The following GREB1L variants were observed in gnomAD, a reference collection of about 807,000 sequenced individuals.
GREB1L encodes the protein GREB1 like retinoic acid receptor coactivator, also known as GREB1-like protein.
Under a neutral mutation model 200.8 loss-of-function variants are expected in GREB1L, and 17 were observed. The ratio of observed to expected loss-of-function variants is 0.08; its 90% CI spans 0.06 to 0.13. The LOEUF (loss-of-function observed/expected upper bound fraction) is 0.13. Ranked by LOEUF, GREB1L falls within the 10% of genes least tolerant of loss-of-function variation. GREB1L has a pLI of 1.00. For synonymous variants in GREB1L, 789 were observed against 893.0 expected (o/e 0.88, Z 2.08); for missense variants, 1,657 against 2,367.7 (o/e 0.70, Z 6.23).
intron 21 of GREB1L, among the ~76,000 whole-genome samples, chr18:21,497,819 C>CCG (rs1555659476): frequency 1.6e-5 from 2 of 125,906 alleles, no homozygotes; most frequent in Non-Finnish European, 3.5e-5. Context: ...CCACCCCCCC[C>CCG]CCTTTTTTTT....
At chr18:21,305,209 C>T (rs1193180923) in intron 1 of GREB1L, among the ~76,000 whole-genome samples, 1 of 152,066 alleles carries the variant, frequency 6.6e-6, no homozygotes, top group Non-Finnish European at 1.5e-5. Context: ...CTCTTGACCT[C>T]GTGATCCACC....
intron 1 of GREB1L, among the ~76,000 whole-genome samples, chr18:21,323,617 G>T (rs2038981948): frequency 6.6e-6 from 1 of 151,982 alleles, no homozygotes. Context: ...TAGTACCTGT[G>T]GCTACTCCAA....
At chr18:21,482,994 A>G (rs2035982368) in intron 17 of GREB1L, among the ~76,000 whole-genome samples, 1 of 152,228 alleles carries the variant, frequency 6.6e-6, no homozygotes, top group Non-Finnish European at 1.5e-5. Context: ...AAACTTTTGT[A>G]ACACAAAACC....
At chr18:21,421,792 A>G (rs762020946) in intron 7 of GREB1L, among the ~76,000 whole-genome samples, 10 of 151,974 alleles carry the variant, frequency 6.6e-5, no homozygotes, top group Admixed American at 1.3e-4. Flanking sequence ...CAAGATTCAA[A>G]CTCTCTACTG....
intron 7 of GREB1L, among the ~76,000 whole-genome samples, chr18:21,430,709 G>T (rs1598823332): frequency 6.8e-6 from 1 of 147,712 alleles, no homozygotes; most frequent in Non-Finnish European, 1.5e-5. Context: ...CCATTCTCTT[G>T]CCTCAGCCTC....
intron 27 of GREB1L, 84 bp downstream of exon 27, chr18:21,508,675 C>A: frequency 8.7e-7 from 1 of 1,144,898 alleles, no homozygotes; most frequent in Non-Finnish European, 1.3e-6. Flanking sequence ...TCAGATTCCC[C>A]TGCCTCTAGA....
At chr18:21,364,686 A>AT (rs2039636056) in intron 1 of GREB1L, among the ~76,000 whole-genome samples, 1 of 152,312 alleles carries the variant, frequency 6.6e-6, no homozygotes, top group South Asian at 2.1e-4. Context: ...TGCAGCCTGA[A>AT]TAGGGGTCTG....
chr18:21,267,393 G>A (rs2037988935), intron 1 of GREB1L, among the ~76,000 whole-genome samples: 1 of 151,872 alleles, frequency 6.6e-6, no homozygotes, highest in Admixed American at 6.6e-5. Flanking sequence ...TATTGGCCAG[G>A]GTGGTCTCGA....
chr18:21,491,446 A>C (rs1271881206), intron 19 of GREB1L, among the ~76,000 whole-genome samples: 6 of 152,180 alleles, frequency 3.9e-5, no homozygotes, highest in Admixed American at 3.3e-4. Context: ...GCAGTGGCTC[A>C]TGCCTGTAAT....
chr18:21,284,543 A>G (rs2038322849), intron 1 of GREB1L, among the ~76,000 whole-genome samples: 2 of 152,136 alleles, frequency 1.3e-5, no homozygotes, highest in South Asian at 4.1e-4. Context: ...GCATGATTAT[A>G]CCACATTTTG....
At chr18:21,275,697 C>A (rs9959349) in intron 1 of GREB1L, among the ~76,000 whole-genome samples, 30,197 of 152,172 alleles carry the variant, frequency 0.2, 7,149 homozygotes, top group African/African-American at 0.57. Flanking sequence ...AAACATTCTT[C>A]CAATCAATTT....
intron 7 of GREB1L, among the ~76,000 whole-genome samples, chr18:21,419,399 A>G (rs1290559485): frequency 3.3e-5 from 5 of 152,338 alleles, no homozygotes; most frequent in African/African-American, 9.6e-5. Context: ...ACAAATGTCA[A>G]TTGTATTTTT....
chr18:21,514,575 CTCAAA>C (rs530723471), intron 28 of GREB1L, among the ~76,000 whole-genome samples: 163 of 152,302 alleles, frequency 1.1e-3, no homozygotes, highest in African/African-American at 3.7e-3. Context: ...CTGCTGACAT[CTCAAA>C]TCAGGAGACC....
At chr18:21,248,519 A>G (rs1401309543) in intron 1 of GREB1L, among the ~76,000 whole-genome samples, 1 of 152,266 alleles carries the variant, frequency 6.6e-6, no homozygotes, top group Non-Finnish European at 1.5e-5. Context: ...TAATAATCAA[A>G]GAAATGTATA....
intron 1 of GREB1L, among the ~76,000 whole-genome samples, chr18:21,301,286 G>A (rs1220362284): frequency 6.6e-6 from 1 of 152,150 alleles, no homozygotes; most frequent in Non-Finnish European, 1.5e-5. Context: ...AACAGGAGGA[G>A]GCCATCCTTG....
intron 1 of GREB1L, among the ~76,000 whole-genome samples, chr18:21,281,357 ATGT>A (rs2038266416): frequency 6.6e-6 from 1 of 152,104 alleles, no homozygotes; most frequent in Non-Finnish European, 1.5e-5. Flanking sequence ...AAGTTTATAA[ATGT>A]TGTTGCTGTT....
chr18:21,372,474 G>A (rs1417707861), intron 2 of GREB1L, among the ~76,000 whole-genome samples: 2 of 151,922 alleles, frequency 1.3e-5, no homozygotes, highest in Non-Finnish European at 2.9e-5. Context: ...TATTATACCT[G>A]ACACGAGAGA....
At chr18:21,379,703 A>G (rs571418246) in intron 2 of GREB1L, among the ~76,000 whole-genome samples, 1 of 152,322 alleles carries the variant, frequency 6.6e-6, no homozygotes, top group Admixed American at 6.5e-5. Flanking sequence ...TTAGCAAGGA[A>G]GGTGAAATGG....
In GREB1L at chr18:21,523,618, G is replaced by GT. The variant is rs2037638806; in HGVS notation, c.*798dup. On this transcript the variant is annotated 3_prime_UTR_variant, in exon 33 of 33. Coordinates refer to ENST00000424526, the MANE Select transcript of GREB1L (RefSeq NM_001142966.3). ...TGATTAATCTTTTGCAAGAACTTAA[G>GT]TCAGTTAAGAAGCTTTCAGCAGGTA... 6.6e-6 allele frequency: 1 copy of GT among 152,164 alleles called. No individual in the cohort carries two copies. Among genetic ancestry groups the GT allele is most frequent in the Non-Finnish European group, 1.5e-5 (1 of 68,030 alleles). 9.4% of individuals were successfully genotyped at this position (152,164 alleles called of 1,614,324 possible).
Sources: gnomAD v4.1 joint callset for allele counts (sites outside exome capture counted in the v4.1 genomes callset) on GRCh38, gnomAD v4.1.1 for gene constraint, MANE v1.5 for transcripts, NCBI Gene and HGNC (gene_info 2026-07-23, HGNC 2026-07-21) for gene names.